Variants in LRP1B observed in about 807,000 individuals in gnomAD.
LRP1B encodes LDL receptor related protein 1B.
In LRP1B, 217 loss-of-function variants were observed where a neutral mutation model predicts 556.6. That is an observed-to-expected ratio of 0.39 (90% CI 0.35 to 0.44). The LOEUF is 0.44. Among genes scored for constraint, LRP1B ranks in the 20% least tolerant of loss-of-function variants. LRP1B has a pLI of 1.00. For synonymous variants in LRP1B, 2,047 were observed against 1,865.8 expected (o/e 1.10, Z -2.50); for missense variants, 5,053 against 5,620.8 (o/e 0.90, Z 3.23).
chr2:142,119,065 C>G (rs887691679), intron 1 of LRP1B, among the ~76,000 whole-genome samples: 11 of 152,112 alleles, frequency 7.2e-5, no homozygotes, highest in Non-Finnish European at 5.9e-5. Context: ...AAGCTCTTTA[C>G]ACAACAAATA....
intron 3 of LRP1B, among the ~76,000 whole-genome samples, chr2:141,293,610 A>G (rs918883109): frequency 6.6e-6 from 1 of 151,836 alleles, no homozygotes; most frequent in Non-Finnish European, 1.5e-5. Flanking sequence ...ATTTGATGCC[A>G]AAGATCACTA....
chr2:140,282,663 G>A (rs897147053), intron 84 of LRP1B, among the ~76,000 whole-genome samples: 1 of 151,736 alleles, frequency 6.6e-6, no homozygotes, highest in Non-Finnish European at 1.5e-5. Context: ...CAAGAAGTCT[G>A]CACGATAATG....
chr2:141,710,416 C>A (rs917802125), intron 2 of LRP1B, among the ~76,000 whole-genome samples: 1 of 152,054 alleles, frequency 6.6e-6, no homozygotes, highest in Non-Finnish European at 1.5e-5. Flanking sequence ...AAAACACCTT[C>A]AATAATTAAA....
intron 3 of LRP1B, among the ~76,000 whole-genome samples, chr2:141,321,091 C>T (rs927418248): frequency 5.9e-5 from 9 of 152,060 alleles, no homozygotes; most frequent in Non-Finnish European, 1.5e-5. Flanking sequence ...AATTAAACAG[C>T]CATGTAACAT....
chr2:141,744,904 A>T (rs1209739336), intron 2 of LRP1B, among the ~76,000 whole-genome samples: 1 of 152,180 alleles, frequency 6.6e-6, no homozygotes, highest in Non-Finnish European at 1.5e-5. Context: ...ATTAAAGCAC[A>T]TCTTAAGCCC....
At chr2:140,541,681 A>G in intron 44 of LRP1B, 98 bp downstream of exon 44, 1 of 1,008,668 alleles carries the variant, frequency 9.9e-7, no homozygotes, top group South Asian at 2.4e-5. Flanking sequence ...TTTTTAAAAG[A>G]AAAAGCAAAT....
chr2:140,769,168 C>A (rs2104934091), intron 35 of LRP1B, 45 bp downstream of exon 35: 1 of 1,542,366 alleles, frequency 6.5e-7, no homozygotes, highest in Non-Finnish European at 8.9e-7. Flanking sequence ...TTTAATAAAT[C>A]AAGTGAATAT....
intron 14 of LRP1B, among the ~76,000 whole-genome samples, chr2:141,006,503 C>T (rs913577353): frequency 2.0e-5 from 3 of 152,014 alleles, no homozygotes; most frequent in Admixed American, 1.3e-4. Flanking sequence ...TGTATTTACA[C>T]TTGCGCATCA....
intron 1 of LRP1B, among the ~76,000 whole-genome samples, chr2:141,847,411 C>A (rs1360581717): frequency 6.6e-6 from 1 of 151,508 alleles, no homozygotes. Flanking sequence ...CATTTAAAAT[C>A]CTTGCAGAGT....
intron 1 of LRP1B, among the ~76,000 whole-genome samples, chr2:141,981,244 T>C (rs1166082251): frequency 1.3e-5 from 2 of 152,062 alleles, no homozygotes; most frequent in Admixed American, 1.3e-4. Context: ...TGGTATAGAA[T>C]GGCTGGTTGG....
At position 140,731,457 on chromosome 2, in the gene LRP1B, G is replaced by T. The variant is rs1236370903; in HGVS notation, c.5759-14641C>A. Among the ~76,000 whole-genome samples the T allele has an allele frequency of 5.3e-5, 8 of 152,112 alleles. 1 individual carries two copies. On this transcript the variant is annotated intron_variant, in intron 35 of 90. Coordinates refer to ENST00000389484, the MANE Select transcript of LRP1B (RefSeq NM_018557.3). ...GAGTAAAAGAAGAGTAAGATAAAAA[G>T]AGTAAGAATATAAGTAATTTAATAA...
chr2:141,540,533 G>C (rs1393623655), intron 2 of LRP1B, among the ~76,000 whole-genome samples: 2 of 152,096 alleles, frequency 1.3e-5, no homozygotes, highest in East Asian at 3.9e-4. Context: ...AGTGCTTCAA[G>C]ACTCATAGAA....
intron 1 of LRP1B, among the ~76,000 whole-genome samples, chr2:141,851,332 C>A (rs1248539666): frequency 6.6e-6 from 1 of 151,842 alleles, no homozygotes; most frequent in Non-Finnish European, 1.5e-5. Context: ...TGGTGACCAT[C>A]CCCTAGGTAT....
At chr2:141,840,476 C>T (rs1279229167) in intron 1 of LRP1B, among the ~76,000 whole-genome samples, 1 of 151,854 alleles carries the variant, frequency 6.6e-6, no homozygotes, top group Non-Finnish European at 1.5e-5. Flanking sequence ...CCAGGATGGT[C>T]TCTGTCTCCT....
At chr2:140,787,029 GGAA>G (rs1050240940) in intron 32 of LRP1B, among the ~76,000 whole-genome samples, 12 of 152,104 alleles carry the variant, frequency 7.9e-5, no homozygotes, top group African/African-American at 2.7e-4. Context: ...ATTAGAAAAA[GGAA>G]GAAGAGGAAG....
intron 2 of LRP1B, among the ~76,000 whole-genome samples, chr2:141,659,337 G>C (rs1222472077): frequency 6.6e-6 from 1 of 152,090 alleles, no homozygotes; most frequent in Admixed American, 6.5e-5. Context: ...CATGAAAACA[G>C]CCACAGAAAA....
At chr2:141,041,944 A>C (rs1698714688) in intron 11 of LRP1B, among the ~76,000 whole-genome samples, 1 of 152,066 alleles carries the variant, frequency 6.6e-6, no homozygotes, top group South Asian at 2.1e-4. Context: ...TCACACTGGC[A>C]AGTCCCCTTT....
chr2:141,480,600 A>C (rs1290122134), intron 2 of LRP1B, 67 bp from the exon 3 acceptor site: 2 of 1,464,882 alleles, frequency 1.4e-6, no homozygotes, highest in East Asian at 4.5e-5. Context: ...TGTTAAGCAC[A>C]AGAAATTACT....
chr2:141,770,112 C>G (rs1236306208), intron 2 of LRP1B, among the ~76,000 whole-genome samples: 1 of 152,026 alleles, frequency 6.6e-6, no homozygotes, highest in Non-Finnish European at 1.5e-5. Flanking sequence ...TTCTGGCTCC[C>G]TCCTACTCCA....
Sources: gnomAD v4.1 joint callset for allele counts (sites outside exome capture counted in the v4.1 genomes callset) on GRCh38, gnomAD v4.1.1 for gene constraint, MANE v1.5 for transcripts, NCBI Gene and HGNC (gene_info 2026-07-23, HGNC 2026-07-21) for gene names.